Variants in DLG2 observed in about 807,000 individuals in gnomAD.
DLG2 encodes discs large MAGUK scaffold protein 2, also known as disks large homolog 2.
A neutral mutation model predicts 132.5 loss-of-function variants in DLG2; 45 were observed. That is an observed-to-expected ratio of 0.34 (90% CI 0.27 to 0.44). The LOEUF is 0.44. DLG2 is among the 20% of genes least tolerant of loss of function. DLG2 has a pLI of 1.00. For missense variants in DLG2, 1,045 were observed against 1,196.9 expected, an observed-to-expected ratio of 0.87 and a Z score of 1.87; for synonymous variants, 424 against 419.6, an observed-to-expected ratio of 1.01 and a Z score of -0.13.
intron 6 of DLG2, among the ~76,000 whole-genome samples, chr11:84,858,166 T>C (rs1434875777): frequency 2.0e-5 from 3 of 152,130 alleles, no homozygotes; most frequent in Admixed American, 1.3e-4. Flanking sequence ...GTGCTGGGAT[T>C]ACAGGCGTGA....
intron 6 of DLG2, among the ~76,000 whole-genome samples, chr11:84,908,315 AT>A (rs1196095905): frequency 6.6e-6 from 1 of 152,168 alleles, no homozygotes; most frequent in African/African-American, 2.4e-5. Flanking sequence ...GAGATACTTC[AT>A]TTTTTCATAC....
chr11:85,094,500 T>A (rs2069393868), intron 6 of DLG2, among the ~76,000 whole-genome samples: 1 of 152,240 alleles, frequency 6.6e-6, no homozygotes, highest in African/African-American at 2.4e-5. Context: ...ATCTTCTGGA[T>A]AACTTGCTAT....
intron 16 of DLG2, among the ~76,000 whole-genome samples, chr11:83,873,102 A>G (rs992363536): frequency 2.0e-5 from 3 of 152,204 alleles, no homozygotes; most frequent in African/African-American, 4.8e-5. Flanking sequence ...CCACCTCAAT[A>G]AAGTCTTTTC....
intron 3 of DLG2, among the ~76,000 whole-genome samples, chr11:85,427,021 G>A (rs941807667): frequency 5.3e-5 from 8 of 152,166 alleles, no homozygotes; most frequent in Non-Finnish European, 1.0e-4. Context: ...GTAAGAAAGC[G>A]TATCAGTGAT....
chr11:84,285,655 C>T (rs910764163), intron 7 of DLG2, among the ~76,000 whole-genome samples: 1 of 152,158 alleles, frequency 6.6e-6, no homozygotes, highest in South Asian at 2.1e-4. Flanking sequence ...CAGACATGAC[C>T]TAATGCCCCC....
chr11:84,834,306 T>C (rs948890), intron 6 of DLG2, among the ~76,000 whole-genome samples: 131,991 of 151,556 alleles, frequency 0.87, 58,611 homozygotes, highest in Middle Eastern at 0.97. Context: ...ACCTCACTTC[T>C]CAATCTCCAT....
intron 16 of DLG2, among the ~76,000 whole-genome samples, chr11:83,841,570 G>A (rs1240959681): frequency 6.6e-6 from 1 of 152,074 alleles, no homozygotes; most frequent in Non-Finnish European, 1.5e-5. Context: ...TCCCTTTCTA[G>A]CTAGAGTGAG....
intron 3 of DLG2, among the ~76,000 whole-genome samples, chr11:85,588,713 T>A (rs2079119500): frequency 6.6e-6 from 1 of 152,208 alleles, no homozygotes; most frequent in Non-Finnish European, 1.5e-5. Flanking sequence ...TTTGAATCAA[T>A]TGCTATGAAG....
At chr11:84,458,602 C>T (rs983614717) in intron 7 of DLG2, among the ~76,000 whole-genome samples, 4 of 150,642 alleles carry the variant, frequency 2.7e-5, no homozygotes, top group African/African-American at 7.3e-5. Flanking sequence ...CTGTTAAGAG[C>T]TCTTTAGAGT....
Position 85,520,518 on chromosome 11 carries a change from C to CACACACACAT in DLG2, c.40+78138_40+78139insATGTGTGTGT, listed in dbSNP as rs2074219051. On this transcript the variant is annotated intron_variant, in intron 3 of 27. Transcript: ENST00000376104. ...TAGTCCTAAAATGTATATGGAACCA[C>CACACACACAT]ACACACACACACACACACACACAAA... Among the ~76,000 whole-genome samples, 5 of 148,758 alleles carry CACACACACAT rather than the reference C, an allele frequency of 3.4e-5. No homozygotes were observed. In the South Asian group the frequency reaches 8.4e-4, roughly 25 times the overall value.
chr11:83,990,502 T>A (rs2093646263), intron 11 of DLG2, among the ~76,000 whole-genome samples: 1 of 152,184 alleles, frequency 6.6e-6, no homozygotes, highest in Non-Finnish European at 1.5e-5. Flanking sequence ...TTTCCCTTGC[T>A]GCCCGCCTAC....
chr11:84,626,374 G>A (rs541109629), intron 6 of DLG2, among the ~76,000 whole-genome samples: 3 of 152,238 alleles, frequency 2.0e-5, no homozygotes, highest in African/African-American at 7.2e-5. Context: ...GGAAGCCATG[G>A]GTAGCTTGCA....
intron 6 of DLG2, among the ~76,000 whole-genome samples, chr11:85,017,343 T>C (rs2059658224): frequency 9.0e-6 from 1 of 110,780 alleles, no homozygotes; most frequent in Non-Finnish European, 1.8e-5. Flanking sequence ...GTATGTCATA[T>C]TCTCTTTCTC....
chr11:84,481,441 C>A (rs2099137423), intron 7 of DLG2, among the ~76,000 whole-genome samples: 1 of 152,082 alleles, frequency 6.6e-6, no homozygotes, highest in Admixed American at 6.6e-5. Flanking sequence ...TCTTGCTTGG[C>A]CTTATCACCT....
chr11:84,257,193 G>C (rs11233967), intron 7 of DLG2, among the ~76,000 whole-genome samples: 15,999 of 152,122 alleles, frequency 0.11, 1,193 homozygotes, highest in East Asian at 0.25. Context: ...GGTTGGGGGA[G>C]TGACTTCCGC....
chr11:84,186,625 G>T (rs1412321751), intron 8 of DLG2, among the ~76,000 whole-genome samples: 2 of 151,832 alleles, frequency 1.3e-5, no homozygotes, highest in Admixed American at 1.3e-4. Context: ...ACCCCACAGA[G>T]TTCTACGAAT....
intron 19 of DLG2, among the ~76,000 whole-genome samples, chr11:83,621,747 C>T (rs1019459347): frequency 3.3e-5 from 5 of 152,176 alleles, no homozygotes; most frequent in African/African-American, 9.6e-5. Context: ...GTGTTTCTTA[C>T]CTCTACTATA....
intron 16 of DLG2, among the ~76,000 whole-genome samples, chr11:83,867,134 T>C (rs1454644147): frequency 6.6e-6 from 1 of 152,194 alleles, no homozygotes; most frequent in Admixed American, 6.5e-5. Context: ...TATTTTAATG[T>C]CTTACTCAGG....
rs1045916701 is a variant in DLG2, at chr11:83,945,739, T to C, written c.1341-15256A>G. On this transcript the variant is annotated intron_variant, in intron 14 of 27. Coordinates refer to ENST00000376104, the MANE Select transcript of DLG2 (RefSeq NM_001142699.3). ...AATGATTTTCTTTGCACATTATCAC[T>C]AGTAGTCTCAGTGGTTTAGGGTCGT... is the stretch of plus-strand genomic sequence containing the variant. 2.0e-5 allele frequency among the ~76,000 whole-genome samples: 3 copies of C among 151,966 alleles called. No individual in the cohort carries two copies. In the East Asian group the frequency reaches 5.8e-4, roughly 29 times the overall value.
Sources: allele counts gnomAD v4.1 joint callset (sites outside exome capture counted in the v4.1 genomes callset), GRCh38; gene constraint gnomAD v4.1.1; transcripts MANE v1.5; gene names NCBI Gene and HGNC (gene_info 2026-07-23, HGNC 2026-07-21).